CCDC127: variants seen among roughly 807,000 people sequenced by gnomAD.
The protein encoded by CCDC127 is coiled-coil domain-containing protein 127.
In CCDC127, 2 loss-of-function variants were observed where a neutral mutation model predicts 4.1. That is an observed-to-expected ratio of 0.49 (90% CI 0.20 to 1.53). The LOEUF (loss-of-function observed/expected upper bound fraction) is 1.53. CCDC127 is among the 40% of genes most tolerant of loss of function. The pLI is 0.23. For synonymous variants in CCDC127, 98 were observed against 120.4 expected (o/e 0.81, Z 1.22); for missense variants, 271 against 322.9 (o/e 0.84, Z 1.23).
At chr5:210,034 G>T (rs1734248391) in intron 2 of CCDC127, among the ~76,000 whole-genome samples, 1 of 152,164 alleles carries the variant, frequency 6.6e-6, no homozygotes, top group Non-Finnish European at 1.5e-5. Context: ...CTCAGGTCAG[G>T]GACCGTCCAA....
rs1306089630 is a variant in CCDC127 at position 198,568 on chromosome 5, C to T, written c.*6729G>A. The T allele has an allele frequency of 6.6e-6, 1 of 152,316 alleles. No homozygotes were observed. Among genetic ancestry groups the T allele is most frequent in the African/African-American group, 2.4e-5 (1 of 41,466 alleles). The allele number at this position is 152,316 out of a possible 1,614,324, so 9.4% of individuals were successfully genotyped here. On this transcript the variant is annotated 3_prime_UTR_variant, in exon 3 of 3. Transcript: ENST00000296824. The stretch of plus-strand genomic sequence containing the variant: ...TGAGGGCACAAGCTCCCAACATCTC[C>T]AGCTCCACAGACACCCAGGGGCTTC...
chr5:218,034 C>G (rs1734463627), intron 1 of CCDC127, 59 bp downstream of exon 1: 39 of 1,015,272 alleles, frequency 3.8e-5, no homozygotes, highest in Non-Finnish European at 4.7e-5. Context: ...CGGAGAACCA[C>G]CCACGGGGCT....
In CCDC127 at chr5:198,539, G is replaced by C. The variant is rs1226339832; in HGVS notation, c.*6758C>G. On this transcript the variant is annotated 3_prime_UTR_variant, in exon 3 of 3. Transcript: ENST00000296824. ...AGGAGCCCACTGGTGTCAGTGGGCG[G>C]TGCTGAGGGCACAAGCTCCCAACAT... 4 of 152,282 alleles carry C rather than the reference G, an allele frequency of 2.6e-5. No individual in the cohort carries two copies. Among genetic ancestry groups the C allele is most frequent in the African/African-American group, 9.6e-5 (4 of 41,468 alleles). The allele number at this position is 152,282 out of a possible 1,614,324, so 9.4% of individuals were successfully genotyped here.
rs1035060349 is a variant in CCDC127, at chr5:200,566, C to T, written c.*4731G>A. 1.3e-5 allele frequency: 2 copies of T among 152,276 alleles called. No individual in the cohort carries two copies. Among genetic ancestry groups the T allele is most frequent in the Admixed American group, 1.3e-4 (2 of 15,280 alleles). The allele number at this position is 152,276 out of a possible 1,614,324, so 9.4% of individuals were successfully genotyped here. The stretch of plus-strand genomic sequence containing the variant: ...AGTACTCCGAGGCCCCTGAGAGTCC[C>T]TTATTTGTCTTTCTGGTTCTTCTCT... On this transcript the variant is annotated 3_prime_UTR_variant, in exon 3 of 3. Coordinates refer to ENST00000296824, the MANE Select transcript of CCDC127 (RefSeq NM_145265.3).
Position 202,397 on chromosome 5 carries a change from C to A in CCDC127, c.*2900G>T, listed in dbSNP as rs1314357704. The A allele has an allele frequency of 2.6e-5, 4 of 152,272 alleles. No homozygotes were observed. The highest frequency in any genetic ancestry group is 9.7e-5 in the African/African-American group (4 of 41,434). The allele number at this position is 152,272 out of a possible 1,614,324, so 9.4% of individuals were successfully genotyped here. ...ATCAGAAGTTTGAGGCCATCCTGGC[C>A]AACATGGTGAAACCCTGTCTCTACT... On this transcript the variant is annotated 3_prime_UTR_variant, in exon 3 of 3. Transcript: ENST00000296824.
chr5:215,795 T>C (rs1734368966), intron 2 of CCDC127: 1 of 152,176 alleles, frequency 6.6e-6, no homozygotes, highest in Non-Finnish European at 1.5e-5. Flanking sequence ...CTTTCTTCCA[T>C]TCAATTATTC....
intron 2 of CCDC127, chr5:216,425 A>C (rs2126515695): frequency 4.6e-6 from 1 of 215,916 alleles, no homozygotes; most frequent in South Asian, 5.4e-5. Flanking sequence ...TGAGAGCAGC[A>C]AAGCCTTCAG....
Position 198,365 on chromosome 5 carries a change from G to A in CCDC127, c.*6932C>T, listed in dbSNP as rs1315920190. On this transcript the variant is annotated 3_prime_UTR_variant, in exon 3 of 3. Coordinates refer to ENST00000296824, the MANE Select transcript of CCDC127 (RefSeq NM_145265.3). Reference sequence around the variant, plus strand: ...TTAATGACTTACTTCTAACTCTAAAGCACAGAGTGGCTGCCACTGCTTTGT... The same window carrying A: ...TTAATGACTTACTTCTAACTCTAAAACACAGAGTGGCTGCCACTGCTTTGT... 1 of 152,284 alleles carries A rather than the reference G, an allele frequency of 6.6e-6. No homozygotes were observed. The highest frequency in any genetic ancestry group is 1.5e-5 in the Non-Finnish European group (1 of 68,058). 9.4% of individuals were successfully genotyped at this position (152,284 alleles called of 1,614,324 possible). A position where few individuals can be genotyped will look rare whatever the true frequency, so the allele number is the denominator to read the frequency against.
At chr5:210,593 G>A (rs1372175740) in intron 2 of CCDC127, among the ~76,000 whole-genome samples, 1 of 151,874 alleles carries the variant, frequency 6.6e-6, no homozygotes, top group Non-Finnish European at 1.5e-5. Flanking sequence ...ACACTGCACA[G>A]TAGAGCCACG....
intron 1 of CCDC127, chr5:217,154 AG>A (rs1168666403): frequency 1.8e-5 from 4 of 217,778 alleles, no homozygotes; most frequent in South Asian, 7.3e-5. Flanking sequence ...AAAAAGAAAA[AG>A]GAAAAAAAAA....
Position 205,663 on chromosome 5 carries a change from A to T in CCDC127, c.417T>A (p.Ser139Arg), listed in dbSNP as rs750662444. Residue 139 changes from serine to arginine, a missense_variant, in exon 3 of 3, where the codon AGT (serine) becomes AGA (arginine). Coordinates refer to ENST00000296824, the MANE Select transcript of CCDC127 (RefSeq NM_145265.3). The stretch of plus-strand genomic sequence containing the variant: ...CCCTTTGCAGGCAGCTCAAATACGC[A>T]CTTCTCAAAGGCTGCACCTGTCTTT... ...QEKRQVQPLR[S>R]AYLSCLQREE... 6.2e-7 allele frequency: 1 copy of T among 1,614,006 alleles called. No individual in the cohort carries two copies. The highest frequency in any genetic ancestry group is 1.1e-5 in the South Asian group (1 of 91,076).
rs779966525 is a variant in CCDC127, at chr5:205,368, G to A, written c.712C>T (p.Leu238Phe). ...RQNGRLMWLYLKYWELVVELK... is the reference protein window; with the variant it reads ...RQNGRLMWLYFKYWELVVELK... ...TCGACAACGAGTTCCCAGTATTTGAGATAGAGCCACATGAGTCTGCCATTC... is the reference window on the plus strand; with the variant it reads ...TCGACAACGAGTTCCCAGTATTTGAAATAGAGCCACATGAGTCTGCCATTC... Residue 238 changes from leucine to phenylalanine, a missense_variant, in exon 3 of 3, where the codon CTC becomes TTC. Physicochemically the swap from Leu to Phe is conservative, Grantham distance 22. Around this residue, in one of 2 missense-constraint regions of CCDC127, gnomAD observed 265 missense variants for 270.9 expected, o/e 0.98. Transcript: ENST00000296824. 5 of 1,614,082 alleles carry A rather than the reference G, an allele frequency of 3.1e-6. No individual in the cohort carries two copies. The South Asian group carries it at 5.5e-5, about 18-fold the overall frequency.
chr5:210,318 A>G (rs971584389), intron 2 of CCDC127, among the ~76,000 whole-genome samples: 1 of 152,236 alleles, frequency 6.6e-6, no homozygotes, highest in Non-Finnish European at 1.5e-5. Flanking sequence ...TACAACTTTT[A>G]CACTGCAAAT....
At chr5:213,669 G>T (rs564871673) in intron 2 of CCDC127, among the ~76,000 whole-genome samples, 7 of 149,974 alleles carry the variant, frequency 4.7e-5, no homozygotes, top group African/African-American at 1.7e-4. Context: ...ACACCCATCA[G>T]GATGGGGCAG....
intron 2 of CCDC127, chr5:215,386 A>G (rs1247540101): frequency 1.3e-5 from 2 of 152,234 alleles, no homozygotes; most frequent in African/African-American, 4.8e-5. Context: ...AAAGGCTATA[A>G]AAGCTGGAGA....
At chr5:214,654 C>G (rs1332904923) in intron 2 of CCDC127, 1 of 152,158 alleles carries the variant, frequency 6.6e-6, no homozygotes, top group East Asian at 1.9e-4. Flanking sequence ...CCCCTGGGAG[C>G]TACTCAGGGT....
At chr5:217,633 G>A (rs1374727770) in intron 1 of CCDC127, among the ~76,000 whole-genome samples, 1 of 151,970 alleles carries the variant, frequency 6.6e-6, no homozygotes, top group Non-Finnish European at 1.5e-5. Context: ...AAGGCAGGGA[G>A]GGGTGATGTG....
At chr5:209,182 C>T (rs1452300091) in intron 2 of CCDC127, among the ~76,000 whole-genome samples, 5 of 33,812 alleles carry the variant, frequency 1.5e-4, no homozygotes, top group African/African-American at 1.3e-4. Context: ...AACAACCCTT[C>T]GCAGCCTGGC....
chr5:213,824 C>A (rs1734325387), intron 2 of CCDC127: 1 of 152,224 alleles, frequency 6.6e-6, no homozygotes, highest in African/African-American at 2.4e-5. Context: ...TCCATAAAAC[C>A]CAGTAATTTC....
Sources: gnomAD v4.1 joint callset for allele counts (sites outside exome capture counted in the v4.1 genomes callset) on GRCh38, gnomAD v4.1.1 for gene constraint, gnomAD v4.1.1 regional missense constraint, MANE v1.5 for transcripts, NCBI Gene and HGNC (gene_info 2026-07-23, HGNC 2026-07-21) for gene names.